HACL2: variants seen among roughly 807,000 people sequenced by gnomAD.
HACL2 encodes 2-hydroxyacyl-CoA lyase 1 like.
At chr19:15,121,271 G>A in the HACL2 span, among the ~76,000 whole-genome samples, 1 of 152,070 alleles carries the variant, frequency 6.6e-6, no homozygotes, top group Non-Finnish European at 1.5e-5. Flanking sequence ...AAAAAATAAA[G>A]AGGCCATAGA....
chr19:15,116,046 A>G, the HACL2 span: 1 of 1,613,974 alleles, frequency 6.2e-7, no homozygotes, highest in South Asian at 1.1e-5. Flanking sequence ...CAAATCCTGC[A>G]CCAACTCCCA....
the HACL2 span, chr19:15,125,296 T>A: frequency 1.8e-6 from 1 of 551,060 alleles, no homozygotes; most frequent in Non-Finnish European, 3.2e-6. Flanking sequence ...GCCCCAGTCC[T>A]TTACATCACC....
chr19:15,116,920 C>T, the HACL2 span: 19 of 201,586 alleles, frequency 9.4e-5, no homozygotes, highest in African/African-American at 3.6e-4. Flanking sequence ...CAAACAGCCC[C>T]GTGATGTATC....
the HACL2 span, among the ~76,000 whole-genome samples, chr19:15,121,368 G>A: frequency 6.6e-6 from 1 of 152,178 alleles, no homozygotes; most frequent in Non-Finnish European, 1.5e-5. Flanking sequence ...CACTGATGAT[G>A]CCCCGTGCCT....
the HACL2 span, chr19:15,116,746 G>C: frequency 1.8e-6 from 1 of 550,576 alleles, no homozygotes; most frequent in Non-Finnish European, 3.2e-6. Flanking sequence ...AAGAAACAAG[G>C]GTTAAGGAGC....
the HACL2 span, among the ~76,000 whole-genome samples, chr19:15,118,463 T>C: frequency 6.6e-6 from 1 of 152,102 alleles, no homozygotes; most frequent in Non-Finnish European, 1.5e-5. Flanking sequence ...GAGGCCATCA[T>C]GCTGGGAGGA....
the HACL2 span, chr19:15,122,763 AG>A: frequency 2.5e-6 from 4 of 1,613,996 alleles, no homozygotes; most frequent in African/African-American, 5.3e-5. This position sits in a 1 kb window ranked among gnomAD's most constrained non-coding sequence, Gnocchi z 4.0. Flanking sequence ...ACCATGAAGT[AG>A]GGGTACAGCA....
At chr19:15,122,657 G>A in the HACL2 span, 51,649 of 1,552,310 alleles carry the variant, frequency 0.033, 1,015 homozygotes, top group Non-Finnish European at 0.038. This position sits in a 1 kb window ranked among gnomAD's most constrained non-coding sequence, Gnocchi z 4.0. Context: ...GAGAACGGGG[G>A]ATAAAGGAGG....
the HACL2 span, chr19:15,119,963 C>A: frequency 6.5e-7 from 1 of 1,529,562 alleles, no homozygotes; most frequent in Non-Finnish European, 8.8e-7. Flanking sequence ...TCCTCAGACA[C>A]AAAAGAGAGG....
chr19:15,123,813 C>A, the HACL2 span: 1 of 570,120 alleles, frequency 1.8e-6, no homozygotes, highest in Non-Finnish European at 3.1e-6. The surrounding 1 kb of genome is among the most constrained non-coding windows in gnomAD (Gnocchi z 5.1). Context: ...CAAGGCTTGC[C>A]CAAGTAAGAC....
the HACL2 span, chr19:15,123,756 C>T: frequency 1.7e-6 from 1 of 600,738 alleles, no homozygotes; most frequent in Non-Finnish European, 3.0e-6. The surrounding 1 kb of genome is among the most constrained non-coding windows in gnomAD (Gnocchi z 5.1). Flanking sequence ...GGCATAACAT[C>T]TTATCAGATC....
chr19:15,116,571 C>A, the HACL2 span: 1 of 1,482,874 alleles, frequency 6.7e-7, no homozygotes, highest in South Asian at 1.2e-5. Context: ...TCCTCCTGTT[C>A]TTCCAGCATC....
At chr19:15,116,229 AC>A in the HACL2 span, 1 of 1,613,928 alleles carries the variant, frequency 6.2e-7, no homozygotes, top group South Asian at 1.1e-5. Context: ...GCCATCCACC[AC>A]CAGAATTGAG....
chr19:15,116,916 G>A, the HACL2 span: 240 of 205,174 alleles, frequency 1.2e-3, no homozygotes, highest in African/African-American at 5.3e-3. Context: ...CTAACAAACA[G>A]CCCCGTGATG....
chr19:15,123,350 C>T, the HACL2 span: 5 of 1,610,164 alleles, frequency 3.1e-6, no homozygotes, highest in Non-Finnish European at 4.2e-6. This position sits in a 1 kb window ranked among gnomAD's most constrained non-coding sequence, Gnocchi z 5.1. Flanking sequence ...CAACCAGTCC[C>T]CAGCCCTCTC....
At chr19:15,118,055 TGTC>T in the HACL2 span, 1 of 1,612,466 alleles carries the variant, frequency 6.2e-7, no homozygotes, top group Non-Finnish European at 8.5e-7. Flanking sequence ...AGAGGCCCCA[TGTC>T]GTCTACCTTA....
At chr19:15,115,165 G>A in the HACL2 span, 11 of 1,507,582 alleles carry the variant, frequency 7.3e-6, no homozygotes, top group Non-Finnish European at 1.0e-5. Flanking sequence ...CATGGGATAG[G>A]CCCAGGGCAA....
chr19:15,118,350 A>G, the HACL2 span, among the ~76,000 whole-genome samples: 2 of 152,170 alleles, frequency 1.3e-5, no homozygotes, highest in East Asian at 1.9e-4. Flanking sequence ...GTGACACACC[A>G]TGACACCCAA....
chr19:15,117,861 G>T, the HACL2 span: 4 of 1,613,364 alleles, frequency 2.5e-6, no homozygotes, highest in Non-Finnish European at 3.4e-6. Context: ...ATATGTGTAC[G>T]GGGGGATTAA....
Sources: allele counts gnomAD v4.1 joint callset (sites outside exome capture counted in the v4.1 genomes callset), GRCh38; gene constraint gnomAD v4.1.1; non-coding constraint Gnocchi (gnomAD v3.1); transcripts MANE v1.5; gene names NCBI Gene and HGNC (gene_info 2026-07-23, HGNC 2026-07-21).